PHKA2: variants seen among roughly 807,000 people sequenced by gnomAD.
PHKA2 encodes phosphorylase kinase regulatory subunit alpha 2, also known as phosphorylase b kinase regulatory subunit alpha, liver isoform.
PHKA2 carries 31 observed loss-of-function variants against 102.0 expected under a neutral mutation model. That is an observed-to-expected ratio of 0.30 (90% confidence interval 0.23 to 0.41). The LOEUF (loss-of-function observed/expected upper bound fraction) is 0.41. PHKA2 is among the 10% of genes least tolerant of loss of function. PHKA2 has a pLI of 1.00. For missense variants in PHKA2, 858 were observed against 1,023.1 expected, an observed-to-expected ratio of 0.84 and a Z score of 2.20; for synonymous variants, 455 against 416.2, an observed-to-expected ratio of 1.09 and a Z score of -1.13.
intron 1 of PHKA2, among the ~76,000 whole-genome samples, chrX:18,965,822 G>A (rs1221008441): frequency 8.9e-6 from 1 of 111,807 alleles, no homozygotes. Context: ...CTAGTTAACA[G>A]TGATATTCAA....
intron 1 of PHKA2, among the ~76,000 whole-genome samples, chrX:18,963,952 C>T (rs931791135): frequency 1.8e-5 from 2 of 111,036 alleles, no homozygotes; most frequent in Admixed American, 1.9e-4. Context: ...CCAATCCATC[C>T]TCCTGAAAGG....
In PHKA2 at chrX:18,908,784, T is replaced by A. The variant is rs1446149523; in HGVS notation, c.2360+17A>T. 2.6e-6 allele frequency: 3 copies of A among 1,175,956 alleles called. No individual in the cohort carries two copies. The highest frequency in any genetic ancestry group is 2.2e-5 in the Admixed American group (1 of 46,027). The stretch of plus-strand genomic sequence containing the variant: ...TGGTATTTTGTTATAACTGCCCGAA[T>A]GGACTCAGACACTTACTTTATGACA... On this transcript the variant is annotated intron_variant, in intron 21 of 32. Coordinates refer to ENST00000379942, the MANE Select transcript of PHKA2 (RefSeq NM_000292.3).
At position 18,908,840 on chromosome X, in the gene PHKA2, T is replaced by C. The variant is rs2047872168; in HGVS notation, c.2321A>G (p.Gln774Arg). 3 of 1,208,666 alleles carry C rather than the reference T, an allele frequency of 2.5e-6. No individual in the cohort carries two copies. The highest frequency in any genetic ancestry group is 3.4e-6 in the Non-Finnish European group (3 of 893,780). ...VEQLKDCSNLQDQADILYILY... is the reference protein window; with the variant it reads ...VEQLKDCSNLRDQADILYILY... ...AATGTACAGAATGTCTGCTTGGTCC[T>C]GTAGGTTCGAACAATCTTTTAGCTG... Residue 774 changes from glutamine (Q) to arginine (R), a missense_variant, in exon 21 of 33, where the codon CAG (glutamine) becomes CGG (arginine). Around this residue, in one of 2 missense-constraint regions of PHKA2, gnomAD observed 671 missense variants for 745.2 expected, o/e 0.90. Coordinates refer to ENST00000379942, the MANE Select transcript of PHKA2 (RefSeq NM_000292.3).
intron 1 of PHKA2, among the ~76,000 whole-genome samples, chrX:18,967,251 C>T (rs951028113): frequency 1.4e-4 from 16 of 111,059 alleles, no homozygotes; most frequent in East Asian, 5.7e-4. Context: ...GAGCAGGACC[C>T]CACTGGTGGC....
At chrX:18,900,815 C>T in intron 27 of PHKA2, 116 bp from the exon 28 acceptor site, 1 of 598,024 alleles carries the variant, frequency 1.7e-6, no homozygotes, top group Admixed American at 2.4e-5. Flanking sequence ...AGGGGGTGAC[C>T]CATGAGTGCA....
intron 30 of PHKA2, chrX:18,895,506 C>T: frequency 3.3e-6 from 1 of 305,446 alleles, no homozygotes; most frequent in Non-Finnish European, 5.8e-6. Context: ...GGCTGCGAGG[C>T]CCCTTTGGTG....
chrX:18,903,604 G>A (rs911800888), intron 26 of PHKA2, among the ~76,000 whole-genome samples: 1 of 112,453 alleles, frequency 8.9e-6, no homozygotes, highest in Non-Finnish European at 1.9e-5. Flanking sequence ...TGAAATGAAG[G>A]TGGCAGCTGG....
intron 3 of PHKA2, 101 bp downstream of exon 3, chrX:18,952,393 T>A (rs978425852): frequency 3.0e-6 from 2 of 660,626 alleles, no homozygotes; most frequent in African/African-American, 2.2e-5. Context: ...TTTCTCTTCC[T>A]CTTGAGAAGA....
At chrX:18,907,414 G>A (rs927265602) in intron 22 of PHKA2, among the ~76,000 whole-genome samples, 2 of 112,350 alleles carry the variant, frequency 1.8e-5, no homozygotes, top group Non-Finnish European at 3.8e-5. Context: ...AGACAGGGAT[G>A]AGTCCGAAGA....
At chrX:18,981,151 T>C (rs1442054374) in intron 1 of PHKA2, among the ~76,000 whole-genome samples, 1 of 111,394 alleles carries the variant, frequency 9.0e-6, no homozygotes, top group East Asian at 2.8e-4. Flanking sequence ...TGCCTAAGAT[T>C]ACTCAGAGAA....
intron 6 of PHKA2, among the ~76,000 whole-genome samples, 180 bp from the exon 7 acceptor site, chrX:18,943,988 T>C (rs1297070112): frequency 9.0e-6 from 1 of 110,867 alleles, no homozygotes. Flanking sequence ...TTTCTTTTCT[T>C]TTTTTTTGTA....
intron 2 of PHKA2, among the ~76,000 whole-genome samples, chrX:18,953,248 G>A (rs1055186091): frequency 1.8e-5 from 2 of 111,761 alleles, no homozygotes; most frequent in African/African-American, 6.5e-5. Context: ...CCTGTGTTCA[G>A]GGACAGATTA....
chrX:18,956,943 C>T (rs1013531840), intron 1 of PHKA2, among the ~76,000 whole-genome samples: 2 of 112,292 alleles, frequency 1.8e-5, no homozygotes, highest in African/African-American at 6.5e-5. Flanking sequence ...ACTCTTCTCA[C>T]CCAGGCTGGA....
intron 20 of PHKA2, among the ~76,000 whole-genome samples, chrX:18,909,942 A>G (rs1187393623): frequency 8.9e-6 from 1 of 112,410 alleles, no homozygotes; most frequent in East Asian, 2.8e-4. Flanking sequence ...AAACGCAAAA[A>G]GGATGTAAAC....
At position 18,907,971 on chromosome X, in the gene PHKA2, A is replaced by C. The variant is rs1263568816; in HGVS notation, c.2446T>G (p.Leu816Val). Residue 816 changes from leucine (L) to valine (V), a missense_variant, in exon 22 of 33, where the codon TTG (leucine) becomes GTG (valine). Leu to Val is a conservative substitution (Grantham distance 32). Transcript: ENST00000379942. ...CGAATCAGACCCCACTCCTGGTTCAAGCCGGCTTTCCCATAGAGCTCACCA... is the reference window on the plus strand; with the variant it reads ...CGAATCAGACCCCACTCCTGGTTCACGCCGGCTTTCCCATAGAGCTCACCA... ...LLGELYGKAG[L>V]NQEWGLIRYI... 1 of 1,211,306 alleles carries C rather than the reference A, an allele frequency of 8.3e-7. No individual in the cohort carries two copies. The highest frequency in any genetic ancestry group is 3.0e-5 in the East Asian group (1 of 33,839).
intron 1 of PHKA2, among the ~76,000 whole-genome samples, chrX:18,973,016 T>C (rs1257979159): frequency 8.9e-6 from 1 of 112,355 alleles, no homozygotes; most frequent in Non-Finnish European, 1.9e-5. Context: ...AGAGGTGCTT[T>C]TTCTGAGACG....
intron 11 of PHKA2, among the ~76,000 whole-genome samples, chrX:18,933,309 T>C (rs764421017): frequency 3.5e-4 from 39 of 112,329 alleles, no homozygotes; most frequent in Non-Finnish European, 9.4e-5. Flanking sequence ...TCAAAGGTGC[T>C]ATGCTTTTGC....
intron 1 of PHKA2, among the ~76,000 whole-genome samples, chrX:18,960,976 G>T (rs1385497802): frequency 2.7e-5 from 3 of 112,316 alleles, no homozygotes; most frequent in Non-Finnish European, 1.9e-5. Flanking sequence ...TTTTAACAGT[G>T]TTGGGACAAG....
At chrX:18,968,166 G>A (rs1202207381) in intron 1 of PHKA2, among the ~76,000 whole-genome samples, 1 of 111,629 alleles carries the variant, frequency 9.0e-6, no homozygotes, top group Non-Finnish European at 1.9e-5. Context: ...GCTGAGGCAG[G>A]AGGCTCACTT....
Sources: allele counts gnomAD v4.1 joint callset (sites outside exome capture counted in the v4.1 genomes callset), GRCh38; gene constraint gnomAD v4.1.1; regional missense constraint gnomAD v4.1.1; transcripts MANE v1.5; gene names NCBI Gene and HGNC (gene_info 2026-07-23, HGNC 2026-07-21).